Variants in SLC30A6 observed in about 807,000 individuals in gnomAD.
SLC30A6 encodes the protein zinc transporter 6.
A neutral mutation model predicts 63.0 loss-of-function variants in SLC30A6; 55 were observed. The ratio of observed to expected loss-of-function variants is 0.87; its 90% CI spans 0.70 to 1.09. SLC30A6 has a LOEUF of 1.09. Among genes scored for constraint, SLC30A6 ranks in the 50% least tolerant of loss-of-function variants. The probability of loss-of-function intolerance (pLI) is 0.00; values close to 1 mark genes in which losing one functional copy is unlikely to be tolerated. For missense variants in SLC30A6, 587 were observed against 549.2 expected (o/e 1.07, Z -0.69); for synonymous variants, 224 against 186.1 (o/e 1.20, Z -1.66).
intron 10 of SLC30A6, chr2:32,202,488 C>A (rs1408827490): frequency 1.5e-5 from 4 of 273,892 alleles, no homozygotes; most frequent in Admixed American, 9.7e-5. Context: ...CGCCACCACC[C>A]CCGACTATTT....
chr2:32,210,388 G>A (rs1436868396), intron 13 of SLC30A6, among the ~76,000 whole-genome samples: 3 of 151,714 alleles, frequency 2.0e-5, no homozygotes, highest in South Asian at 2.1e-4. Flanking sequence ...TGTGGCACAC[G>A]CCTGTAATTC....
At chr2:32,211,355 TTTGA>T (rs1235333386) in intron 13 of SLC30A6, among the ~76,000 whole-genome samples, 2 of 152,216 alleles carry the variant, frequency 1.3e-5, no homozygotes, top group Non-Finnish European at 2.9e-5. Context: ...TAAAAATTAG[TTTGA>T]TTGGATATAA....
chr2:32,213,849 G>A (rs1198149410), intron 13 of SLC30A6, among the ~76,000 whole-genome samples: 2 of 142,814 alleles, frequency 1.4e-5, no homozygotes, highest in African/African-American at 2.7e-5. Flanking sequence ...TGTCACCTGG[G>A]CTGGAGTGCA....
At chr2:32,215,964 T>C (rs1685669295) in intron 13 of SLC30A6, among the ~76,000 whole-genome samples, 1 of 152,166 alleles carries the variant, frequency 6.6e-6, no homozygotes, top group African/African-American at 2.4e-5. Context: ...CTAGGTGTTA[T>C]TGGGCACCTA....
chr2:32,208,463 A>G (rs1351990616), intron 12 of SLC30A6, among the ~76,000 whole-genome samples: 1 of 151,166 alleles, frequency 6.6e-6, no homozygotes, highest in Admixed American at 6.6e-5. Context: ...ATATATAAAA[A>G]GAGATGGGGT....
rs913250211 is a variant in SLC30A6 at position 32,195,242 on chromosome 2, A to G, written c.496+1259A>G. 4.0e-5 allele frequency among the ~76,000 whole-genome samples: 6 copies of G among 151,004 alleles called. No individual in the cohort carries two copies. In the Admixed American group the frequency reaches 4.0e-4, roughly 10 times the overall value. Reference sequence around the variant, plus strand: ...GCCACCATGCCTGGCTGATTTTTGTATTTTTAGCAGAGACGGGGTTTCCCC... The same window carrying G: ...GCCACCATGCCTGGCTGATTTTTGTGTTTTTAGCAGAGACGGGGTTTCCCC... On this transcript the variant is annotated intron_variant, in intron 8 of 13. Coordinates refer to ENST00000282587, the MANE Select transcript of SLC30A6 (RefSeq NM_017964.5).
Position 32,221,028 on chromosome 2 carries a change from A to G in SLC30A6, c.*315A>G, listed in dbSNP as rs928791568. 2.2e-5 allele frequency: 6 copies of G among 270,916 alleles called. No individual in the cohort carries two copies. The highest frequency in any genetic ancestry group is 4.2e-5 in the Non-Finnish European group (6 of 141,226). 16.8% of individuals were successfully genotyped at this position (270,916 alleles called of 1,614,324 possible). On this transcript the variant is annotated 3_prime_UTR_variant, in exon 14 of 14. Coordinates refer to ENST00000282587, the MANE Select transcript of SLC30A6 (RefSeq NM_017964.5). Reference sequence around the variant, plus strand: ...TACCTTTATAAGAGCCACTTGATGGAGTAGATCTGTCACATTACTAAGATA... The same window carrying G: ...TACCTTTATAAGAGCCACTTGATGGGGTAGATCTGTCACATTACTAAGATA...
chr2:32,214,097 G>A (rs1020837835), intron 13 of SLC30A6, among the ~76,000 whole-genome samples: 6 of 151,944 alleles, frequency 3.9e-5, no homozygotes, highest in African/African-American at 1.4e-4. Flanking sequence ...CCCCACGTCT[G>A]GCTAATTTTT....
chr2:32,175,364 A>G lies in SLC30A6; in HGVS notation c.218+3A>G, dbSNP rs371461251. The G allele has an allele frequency of 1.7e-5, 28 of 1,610,592 alleles. No homozygotes were observed. In the African/African-American group the frequency reaches 3.6e-4, roughly 21 times the overall value. Reference sequence around the variant, plus strand: ...CTGACCATTTTTGATCTTTTTAGGTAAGTTTTTAGGAAATCTTAATGTTTT... The same window carrying G: ...CTGACCATTTTTGATCTTTTTAGGTGAGTTTTTAGGAAATCTTAATGTTTT... On this transcript the variant is annotated splice_donor_region_variant and intron_variant, in intron 4 of 13. Transcript: ENST00000282587.
intron 8 of SLC30A6, 49 bp downstream of exon 8, chr2:32,194,032 A>G (rs1176846324): frequency 6.8e-7 from 1 of 1,466,816 alleles, no homozygotes; most frequent in East Asian, 2.3e-5. Context: ...AATCTCTCAT[A>G]AAAACAAGCC....
intron 10 of SLC30A6, chr2:32,203,157 G>A: frequency 8.0e-7 from 1 of 1,256,174 alleles, no homozygotes; most frequent in South Asian, 1.2e-5. Context: ...CTGTGGTTTG[G>A]ACATTCCTGA....
chr2:32,172,678 C>T (rs921397150), intron 2 of SLC30A6, among the ~76,000 whole-genome samples: 1 of 152,190 alleles, frequency 6.6e-6, no homozygotes, highest in African/African-American at 2.4e-5. Context: ...CGACTGGTCT[C>T]ACTTTGAATT....
intron 4 of SLC30A6, among the ~76,000 whole-genome samples, chr2:32,177,908 C>T (rs556864511): frequency 4.0e-4 from 61 of 150,698 alleles, no homozygotes; most frequent in African/African-American, 1.4e-3. Flanking sequence ...AGATTATGGG[C>T]GTGAGCCACT....
intron 5 of SLC30A6, among the ~76,000 whole-genome samples, chr2:32,186,969 C>G (rs1272635161): frequency 7.2e-6 from 1 of 138,858 alleles, no homozygotes; most frequent in African/African-American, 2.7e-5. Flanking sequence ...GCACTCCTGC[C>G]TGGGAGACAG....
At chr2:32,189,844 G>A (rs554329731) in intron 5 of SLC30A6, among the ~76,000 whole-genome samples, 16 of 151,882 alleles carry the variant, frequency 1.1e-4, no homozygotes, top group Middle Eastern at 3.4e-3. Flanking sequence ...GGTTTCAAGC[G>A]ATCCTCCCAC....
chr2:32,213,593 T>C (rs560994871), intron 13 of SLC30A6, among the ~76,000 whole-genome samples: 1 of 152,268 alleles, frequency 6.6e-6, no homozygotes, highest in South Asian at 2.1e-4. Context: ...ATAAGGGTAC[T>C]AGGTTACTTT....
chr2:32,198,914 A>G (rs892392908), intron 10 of SLC30A6, among the ~76,000 whole-genome samples: 1 of 152,124 alleles, frequency 6.6e-6, no homozygotes, highest in Non-Finnish European at 1.5e-5. Flanking sequence ...GCATGCAGCC[A>G]TTACCACCAT....
At chr2:32,205,620 T>TTTAAAGCTA (rs1185211605) in intron 11 of SLC30A6, among the ~76,000 whole-genome samples, 2 of 151,800 alleles carry the variant, frequency 1.3e-5, no homozygotes, top group East Asian at 3.9e-4. Context: ...AAATCACAAA[T>TTTAAAGCTA]TTAAAGCTAT....
intron 13 of SLC30A6, among the ~76,000 whole-genome samples, chr2:32,217,654 A>T (rs1234373721): frequency 1.3e-5 from 2 of 152,142 alleles, no homozygotes; most frequent in Non-Finnish European, 2.9e-5. Context: ...TGCTTTGGAC[A>T]ATATGGCCAT....
Sources: gnomAD v4.1 joint callset for allele counts (sites outside exome capture counted in the v4.1 genomes callset) on GRCh38, gnomAD v4.1.1 for gene constraint, MANE v1.5 for transcripts, NCBI Gene and HGNC (gene_info 2026-07-23, HGNC 2026-07-21) for gene names.